The following UNC5D variants were observed in gnomAD, a reference collection of about 807,000 sequenced individuals.
UNC5D encodes netrin receptor UNC5D.
In UNC5D, 39 loss-of-function variants were observed where a neutral mutation model predicts 105.4. The ratio of observed to expected loss-of-function variants is 0.37; its 90% confidence interval spans 0.29 to 0.48. The LOEUF (loss-of-function observed/expected upper bound fraction) is 0.48. Among genes scored for constraint, UNC5D ranks in the 20% least tolerant of loss-of-function variants. The pLI, the probability that UNC5D is intolerant of heterozygous loss-of-function variation, is 0.98. For synonymous variants in UNC5D, 452 were observed against 450.4 expected, an observed-to-expected ratio of 1.00 and a Z score of -0.04; for missense variants, 991 against 1,202.4, an observed-to-expected ratio of 0.82 and a Z score of 2.60.
At chr8:35,267,347 T>C (rs1338518997) in intron 1 of UNC5D, among the ~76,000 whole-genome samples, 1 of 152,186 alleles carries the variant, frequency 6.6e-6, no homozygotes. Flanking sequence ...TGTATTGATA[T>C]AGCTAATTTC....
chr8:35,632,508 G>A (rs977962809), intron 4 of UNC5D, among the ~76,000 whole-genome samples: 2 of 152,244 alleles, frequency 1.3e-5, no homozygotes, highest in African/African-American at 4.8e-5. Flanking sequence ...TCTGATACAG[G>A]TCACTTCTTT....
At chr8:35,757,051 A>G (rs1297739839) in intron 13 of UNC5D, among the ~76,000 whole-genome samples, 1 of 152,030 alleles carries the variant, frequency 6.6e-6, no homozygotes, top group Non-Finnish European at 1.5e-5. Context: ...AGGTTAATAT[A>G]TTATCATATT....
At chr8:35,457,830 T>G (rs1420324993) in intron 1 of UNC5D, among the ~76,000 whole-genome samples, 1 of 152,170 alleles carries the variant, frequency 6.6e-6, no homozygotes, top group East Asian at 1.9e-4. Flanking sequence ...GTTATCCCAA[T>G]GTCCACACAG....
At chr8:35,380,222 G>GGAGAGAGAGAGAGAGAGA (rs1319752379) in intron 1 of UNC5D, among the ~76,000 whole-genome samples, 1 of 132,238 alleles carries the variant, frequency 7.6e-6, no homozygotes, top group Non-Finnish European at 1.6e-5. Flanking sequence ...AGAGAGAGAG[G>GGAGAGAGAGAGAGAGAGA]GAGAGAGAGA....
rs577603641 is a variant in UNC5D at position 35,553,581 on chromosome 8, A to T, written c.322+4071A>T. Among the ~76,000 whole-genome samples the T allele has an allele frequency of 4.6e-5, 7 of 152,292 alleles. No homozygotes were observed. In the South Asian group the frequency reaches 1.5e-3, roughly 32 times the overall value. On this transcript the variant is annotated intron_variant, in intron 2 of 16. Transcript: ENST00000404895. ...CAATGTGAAAGAAATGTCTCTCCCTAAACAGTTTTCTTCTGTGTAGTTAAT... is the reference window on the plus strand; with the variant it reads ...CAATGTGAAAGAAATGTCTCTCCCTTAACAGTTTTCTTCTGTGTAGTTAAT...
At chr8:35,464,232 CA>C (rs1394582575) in intron 1 of UNC5D, among the ~76,000 whole-genome samples, 1 of 152,038 alleles carries the variant, frequency 6.6e-6, no homozygotes, top group Non-Finnish European at 1.5e-5. Context: ...GAGGCTGAAA[CA>C]GGAGAATAGC....
intron 1 of UNC5D, among the ~76,000 whole-genome samples, chr8:35,250,201 C>T (rs577411671): frequency 9.9e-5 from 15 of 152,012 alleles, no homozygotes; most frequent in Non-Finnish European, 2.2e-4. Context: ...CAGCTGATGC[C>T]AAGGCATTGA....
At chr8:35,696,617 G>T (rs1772486586) in intron 7 of UNC5D, among the ~76,000 whole-genome samples, 1 of 152,098 alleles carries the variant, frequency 6.6e-6, no homozygotes, top group African/African-American at 2.4e-5. Flanking sequence ...GGCCTCTGGG[G>T]TGTGCTGAAC....
At chr8:35,245,340 A>C (rs751202945) in intron 1 of UNC5D, among the ~76,000 whole-genome samples, 5 of 152,144 alleles carry the variant, frequency 3.3e-5, no homozygotes, top group Non-Finnish European at 7.3e-5. Flanking sequence ...GAGAACTATA[A>C]CTGTGTTGTA....
At chr8:35,305,661 C>A (rs1038828414) in intron 1 of UNC5D, among the ~76,000 whole-genome samples, 3 of 131,590 alleles carry the variant, frequency 2.3e-5, no homozygotes, top group Admixed American at 7.9e-5. Context: ...TCTTTTCTTT[C>A]TCTTTTTCTT....
intron 1 of UNC5D, among the ~76,000 whole-genome samples, chr8:35,364,553 C>T (rs1802014447): frequency 1.3e-5 from 2 of 152,046 alleles, no homozygotes; most frequent in Non-Finnish European, 2.9e-5. Flanking sequence ...TATTTGGAAA[C>T]CATGGTTGGG....
chr8:35,512,194 C>T (rs539901175), intron 1 of UNC5D, among the ~76,000 whole-genome samples: 1 of 151,902 alleles, frequency 6.6e-6, no homozygotes, highest in African/African-American at 2.4e-5. Context: ...CAAAAGTTTA[C>T]TTTTCCCTTT....
At chr8:35,710,342 A>T (rs980366342) in intron 8 of UNC5D, among the ~76,000 whole-genome samples, 2 of 152,176 alleles carry the variant, frequency 1.3e-5, no homozygotes, top group African/African-American at 4.8e-5. Context: ...TGATTCCAAA[A>T]TTTTGGCTAT....
intron 3 of UNC5D, among the ~76,000 whole-genome samples, chr8:35,572,011 G>A (rs1385595989): frequency 6.6e-6 from 1 of 152,128 alleles, no homozygotes; most frequent in Non-Finnish European, 1.5e-5. Context: ...CATGGGCCGG[G>A]TACAGTGGCT....
chr8:35,413,125 CT>C (rs1805283626), intron 1 of UNC5D, among the ~76,000 whole-genome samples: 1 of 152,044 alleles, frequency 6.6e-6, no homozygotes, highest in Non-Finnish European at 1.5e-5. Flanking sequence ...GGTTTGTTTA[CT>C]TCAAGGGGCA....
chr8:35,593,776 A>G (rs1819322315), intron 3 of UNC5D, among the ~76,000 whole-genome samples: 1 of 152,016 alleles, frequency 6.6e-6, no homozygotes, highest in South Asian at 2.1e-4. Context: ...CAAAACAAAC[A>G]AACAAAAAAA....
intron 1 of UNC5D, among the ~76,000 whole-genome samples, chr8:35,277,539 C>T (rs1805856720): frequency 2.0e-5 from 3 of 152,010 alleles, no homozygotes; most frequent in Middle Eastern, 3.2e-3. Flanking sequence ...TTATTCTTAC[C>T]CCTGAGTCTT....
At chr8:35,544,691 C>T (rs1236680924) in intron 1 of UNC5D, among the ~76,000 whole-genome samples, 1 of 148,204 alleles carries the variant, frequency 6.7e-6, no homozygotes, top group Admixed American at 7.0e-5. Flanking sequence ...CAACCTCTGC[C>T]TTCCGGGTAC....
chr8:35,417,903 A>G (rs1805631581), intron 1 of UNC5D, among the ~76,000 whole-genome samples: 1 of 152,194 alleles, frequency 6.6e-6, no homozygotes, highest in Admixed American at 6.5e-5. Flanking sequence ...TTTGTGTCAC[A>G]TAGTAAATCA....
Sources: allele counts gnomAD v4.1 joint callset (sites outside exome capture counted in the v4.1 genomes callset), GRCh38; gene constraint gnomAD v4.1.1; transcripts MANE v1.5; gene names NCBI Gene and HGNC (gene_info 2026-07-23, HGNC 2026-07-21).